TMTC4: variants seen among roughly 807,000 people sequenced by gnomAD.
TMTC4 encodes protein O-mannosyl-transferase TMTC4.
TMTC4 carries 65 observed loss-of-function variants against 86.0 expected under a neutral mutation model. The ratio of observed to expected loss-of-function variants is 0.76; its 90% CI spans 0.62 to 0.93. The LOEUF is 0.93. Ranked by LOEUF, TMTC4 falls within the 40% of genes least tolerant of loss-of-function variation. TMTC4 has a pLI of 0.00. For missense variants in TMTC4, 866 were observed against 948.1 expected, an observed-to-expected ratio of 0.91 and a Z score of 1.14; for synonymous variants, 379 against 382.5, an observed-to-expected ratio of 0.99 and a Z score of 0.11.
At chr13:100,674,300 G>A (rs1353961293) in intron 1 of TMTC4, 1 of 979,008 alleles carries the variant, frequency 1.0e-6, no homozygotes, top group African/African-American at 1.8e-5. Context: ...GCCCGGCTGT[G>A]TCCAGCCATC....
At chr13:100,646,234 A>G (rs1320494422) in intron 6 of TMTC4, among the ~76,000 whole-genome samples, 3 of 152,216 alleles carry the variant, frequency 2.0e-5, no homozygotes, top group African/African-American at 7.2e-5. Context: ...GGCTGGCACC[A>G]TGCCTGGCTC....
chr13:100,674,866 G>T (rs1407645155), upstream of TMTC4: 4 of 968,802 alleles, frequency 4.1e-6, no homozygotes, highest in Non-Finnish European at 4.9e-6. Context: ...CCCCCCCCGC[G>T]CCGCGCCTCC....
intron 6 of TMTC4, among the ~76,000 whole-genome samples, chr13:100,655,469 G>C (rs1443129968): frequency 6.6e-6 from 1 of 152,130 alleles, no homozygotes; most frequent in East Asian, 1.9e-4. Flanking sequence ...GTAGTGAAGG[G>C]ACCCCTCCCT....
chr13:100,675,028 G>C, upstream of TMTC4: 1 of 985,688 alleles, frequency 1.0e-6, no homozygotes, highest in South Asian at 4.7e-5. Context: ...AGGCCAGGGG[G>C]CGCTAGTCGG....
intron 2 of TMTC4, among the ~76,000 whole-genome samples, chr13:100,669,320 A>C (rs547662230): frequency 2.6e-5 from 4 of 152,154 alleles, no homozygotes; most frequent in Non-Finnish European, 4.4e-5. Context: ...TCTGACACAG[A>C]GACAGGGGAG....
intron 5 of TMTC4, among the ~76,000 whole-genome samples, chr13:100,660,030 T>C (rs1253577975): frequency 6.6e-6 from 1 of 151,130 alleles, no homozygotes; most frequent in Non-Finnish European, 1.5e-5. Context: ...TAAATGTTAA[T>C]ATAAAGAAAT....
chr13:100,674,558 C>A (rs1355616677), intron 1 of TMTC4, 186 bp downstream of exon 1: 1 of 982,286 alleles, frequency 1.0e-6, no homozygotes, highest in Non-Finnish European at 1.2e-6. Flanking sequence ...GGCCCGCGTC[C>A]CCCGTGACCC....
At position 100,663,040 on chromosome 13, in the gene TMTC4, C is replaced by T. The variant is rs372474302; in HGVS notation, c.476G>A (p.Arg159Gln). ...CGCCCTGGGGGCGAGGTGCAGCCTC[C>T]GGCCTTTACTGGTGTACTGCAGGCC... ...FGGLQYTSKG[R>Q]RLHLAPRASL... The change falls in exon 5 of 19, where the codon CGG becomes CAG. Residue 159 changes from arginine to glutamine, a missense_variant. Arg to Gln is a conservative substitution (Grantham distance 43). Coordinates refer to ENST00000342624, the MANE Select transcript of TMTC4 (RefSeq NM_032813.5). 1.1e-5 allele frequency: 18 copies of T among 1,614,050 alleles called. No individual in the cohort carries two copies. Among genetic ancestry groups the T allele is most frequent in the Middle Eastern group, 1.6e-4 (1 of 6,080 alleles).
intron 17 of TMTC4, 43 bp from the exon 18 acceptor site, chr13:100,606,470 T>A (rs1456433796): frequency 6.5e-7 from 1 of 1,546,586 alleles, no homozygotes; most frequent in Non-Finnish European, 8.9e-7. Flanking sequence ...TTATTGTACA[T>A]GAAGCAAAAG....
intron 6 of TMTC4, among the ~76,000 whole-genome samples, chr13:100,647,695 G>C (rs1320754815): frequency 6.6e-6 from 1 of 152,104 alleles, no homozygotes; most frequent in African/African-American, 2.4e-5. Context: ...ATGCCCAAAA[G>C]ACAGCTCTTG....
At chr13:100,626,040 A>T (rs755989212) in intron 13 of TMTC4, 31 bp downstream of exon 13, 1 of 1,613,692 alleles carries the variant, frequency 6.2e-7, no homozygotes, top group Non-Finnish European at 8.5e-7. Context: ...ATCTGTGTAC[A>T]TAATTCTTCT....
At chr13:100,646,308 A>AT (rs2138939193) in intron 6 of TMTC4, among the ~76,000 whole-genome samples, 1 of 152,332 alleles carries the variant, frequency 6.6e-6, no homozygotes, top group African/African-American at 2.4e-5. Context: ...GAAGGGCAGT[A>AT]TATGTTCAGT....
intron 9 of TMTC4, 117 bp downstream of exon 9, chr13:100,637,421 G>A (rs1290524998): frequency 1.9e-5 from 25 of 1,313,238 alleles, no homozygotes; most frequent in East Asian, 9.4e-5. Flanking sequence ...TGGAGGTGGC[G>A]CGTGTATTGG....
upstream of TMTC4, chr13:100,674,824 G>A (rs1566659754): frequency 3.1e-6 from 3 of 977,094 alleles, no homozygotes; most frequent in Non-Finnish European, 3.6e-6. Flanking sequence ...CCCGGACCTG[G>A]CAGGGGGAGG....
chr13:100,625,311 G>T lies in TMTC4; in HGVS notation c.1836+224C>A, dbSNP rs1267397257. On this transcript the variant is annotated intron_variant, in intron 15 of 18. Coordinates refer to ENST00000342624, the MANE Select transcript of TMTC4 (RefSeq NM_032813.5). ...TATTCCTGGGTTTAACCTTTTGCGT[G>T]GGTGACCTCTTAAACTTGACTAATT... 6 of 586,164 alleles carry T rather than the reference G, an allele frequency of 1.0e-5. No individual in the cohort carries two copies. In the African/African-American group the frequency reaches 1.1e-4, roughly 11 times the overall value. The allele number at this position is 586,164 out of a possible 1,614,324, so 36.3% of individuals were successfully genotyped here.
At chr13:100,629,168 G>A (rs780483367) in intron 12 of TMTC4, among the ~76,000 whole-genome samples, 17 of 152,220 alleles carry the variant, frequency 1.1e-4, no homozygotes, top group Middle Eastern at 3.4e-3. Context: ...AAAAGAAAAA[G>A]TGAAAGAAAA....
At position 100,604,896 on chromosome 13, in the gene TMTC4, ATGTC is replaced by A. The variant is rs1876335204; in HGVS notation, c.*94_*97del. 10 of 1,329,836 alleles carry A rather than the reference ATGTC, an allele frequency of 7.5e-6. No homozygotes were observed. The Admixed American group carries it at 1.4e-4, about 19-fold the overall frequency. The allele number at this position is 1,329,836 out of a possible 1,614,324, so 82.4% of individuals were successfully genotyped here. A position where few individuals can be genotyped will look rare whatever the true frequency, so the allele number is the denominator to read the frequency against. ...CATAGAAAAAAATCAGTAAAATAACATGTCTAAGACTTTTAAATGGTTAAATGTA... is the reference window on the plus strand; with the variant it reads ...CATAGAAAAAAATCAGTAAAATAACATAAGACTTTTAAATGGTTAAATGTA... On this transcript the variant is annotated 3_prime_UTR_variant, in exon 19 of 19. Coordinates refer to ENST00000342624, the MANE Select transcript of TMTC4 (RefSeq NM_032813.5).
chr13:100,606,552 G>C, intron 17 of TMTC4, 125 bp from the exon 18 acceptor site: 1 of 744,654 alleles, frequency 1.3e-6, no homozygotes, highest in Non-Finnish European at 2.2e-6. Flanking sequence ...CATTCCTCCA[G>C]AAACACTCGG....
In TMTC4 at chr13:100,605,272, A is replaced by G; in HGVS notation, c.2135-130T>C. 9.0e-7 allele frequency: 1 copy of G among 1,107,050 alleles called. No individual in the cohort carries two copies. Among genetic ancestry groups the G allele is most frequent in the Non-Finnish European group, 1.3e-6 (1 of 785,244 alleles). The allele number at this position is 1,107,050 out of a possible 1,614,324, so 68.6% of individuals were successfully genotyped here. On this transcript the variant is annotated intron_variant, in intron 18 of 18. Transcript: ENST00000342624. The surrounding 1 kb of genome is among the most constrained non-coding windows in gnomAD (Gnocchi z 4.3). ...TCAAAAGTCAATTGTATGAAACAAT[A>G]TTGTTTGTACTGAAAACTCTATTTA... is the stretch of plus-strand genomic sequence containing the variant.
Sources: allele counts gnomAD v4.1 joint callset (sites outside exome capture counted in the v4.1 genomes callset), GRCh38; gene constraint gnomAD v4.1.1; non-coding constraint Gnocchi (gnomAD v3.1); transcripts MANE v1.5; gene names NCBI Gene and HGNC (gene_info 2026-07-23, HGNC 2026-07-21).